Variants in SPAG9 observed in about 807,000 individuals in gnomAD.
SPAG9 encodes the protein sperm associated antigen 9.
Under a neutral mutation model 166.5 loss-of-function variants are expected in SPAG9, and 35 were observed. The ratio of observed to expected loss-of-function variants is 0.21; its 90% CI spans 0.16 to 0.28. The LOEUF is 0.28. Among genes scored for constraint, SPAG9 ranks in the 10% least tolerant of loss-of-function variants. SPAG9 has a pLI of 1.00. For missense variants in SPAG9, 1,235 were observed against 1,603.3 expected (o/e 0.77, Z 3.92); for synonymous variants, 534 against 565.5 (o/e 0.94, Z 0.79).
At chr17:50,975,170 A>G in intron 27 of SPAG9, 1 of 465,904 alleles carries the variant, frequency 2.1e-6, no homozygotes, top group East Asian at 4.0e-5. Context: ...TTGCCAGTCT[A>G]GCAATAAGTA....
At chr17:51,100,329 G>A (rs1012053607) in intron 1 of SPAG9, among the ~76,000 whole-genome samples, 1 of 133,958 alleles carries the variant, frequency 7.5e-6, no homozygotes, top group Non-Finnish European at 1.8e-5. Context: ...CTAGGGTCAG[G>A]CACAGTGGCT....
At chr17:51,092,638 G>A (rs962586107) in intron 1 of SPAG9, among the ~76,000 whole-genome samples, 23 of 151,672 alleles carry the variant, frequency 1.5e-4, no homozygotes, top group African/African-American at 5.6e-4. Flanking sequence ...GTTTGGCCAG[G>A]CACAGTGGCT....
At chr17:51,070,278 T>TA (rs960464742) in intron 2 of SPAG9, among the ~76,000 whole-genome samples, 12 of 152,304 alleles carry the variant, frequency 7.9e-5, no homozygotes, top group African/African-American at 2.6e-4. Context: ...AATCAAATAA[T>TA]AAATGATTCT....
At chr17:51,012,978 G>A (rs934649486) in intron 9 of SPAG9, among the ~76,000 whole-genome samples, 1 of 151,994 alleles carries the variant, frequency 6.6e-6, no homozygotes, top group Non-Finnish European at 1.5e-5. Context: ...CGATCCACTT[G>A]CCTTGGCCTC....
chr17:50,978,881 T>G (rs1373288118), intron 26 of SPAG9, among the ~76,000 whole-genome samples: 1 of 152,142 alleles, frequency 6.6e-6, no homozygotes, highest in Non-Finnish European at 1.5e-5. Context: ...TATCTGCACC[T>G]TGGTTACTAG....
At chr17:50,992,773 C>T (rs867292659) in intron 19 of SPAG9, among the ~76,000 whole-genome samples, 1 of 151,996 alleles carries the variant, frequency 6.6e-6, no homozygotes, top group East Asian at 1.9e-4. Context: ...GAGGACGAAG[C>T]GGGTGGATCA....
chr17:51,064,581 A>G (rs1214936343), intron 2 of SPAG9, among the ~76,000 whole-genome samples: 1 of 152,228 alleles, frequency 6.6e-6, no homozygotes, highest in Non-Finnish European at 1.5e-5. Context: ...AGGTGAAAGA[A>G]GCCAGTCACA....
At chr17:51,106,468 G>A (rs979232891) in intron 1 of SPAG9, among the ~76,000 whole-genome samples, 8 of 152,114 alleles carry the variant, frequency 5.3e-5, no homozygotes, top group African/African-American at 1.4e-4. Context: ...TTCCTTGTCT[G>A]TTTCATTAGT....
chr17:50,965,181 G>A lies in SPAG9; in HGVS notation c.*1091C>T, dbSNP rs539754009. 12 of 152,152 alleles carry A rather than the reference G, an allele frequency of 7.9e-5. No homozygotes were observed. The highest frequency in any genetic ancestry group is 2.7e-4 in the African/African-American group (11 of 41,464). 9.4% of individuals were successfully genotyped at this position (152,152 alleles called of 1,614,324 possible). A position where few individuals can be genotyped will look rare whatever the true frequency, so the allele number is the denominator to read the frequency against. ...TTCCCCTTTGAGGATAACCCTTCAA[G>A]CTCAAAAGGGCACAAAAGCTAAAAC... On this transcript the variant is annotated 3_prime_UTR_variant, in exon 30 of 30. Transcript: ENST00000262013.
chr17:50,966,107 A>C lies in SPAG9; in HGVS notation c.*165T>G. 1 of 615,786 alleles carries C rather than the reference A, an allele frequency of 1.6e-6. No homozygotes were observed. The highest frequency in any genetic ancestry group is 2.7e-5 in the Admixed American group (1 of 37,428). 38.1% of individuals were successfully genotyped at this position (615,786 alleles called of 1,614,324 possible). ...GCAGTAACACAGCTAGTTCCTCTGT[A>C]TTGTTATGGTAGAACGGATTTTGTA... is the stretch of plus-strand genomic sequence containing the variant. On this transcript the variant is annotated 3_prime_UTR_variant, in exon 30 of 30. Transcript: ENST00000262013.
intron 2 of SPAG9, among the ~76,000 whole-genome samples, chr17:51,064,743 G>A (rs2047612640): frequency 6.6e-6 from 1 of 152,128 alleles, no homozygotes; most frequent in Non-Finnish European, 1.5e-5. Context: ...TTCTTCTTGG[G>A]GTGATAAAAA....
chr17:51,069,599 A>G (rs1338649719), intron 2 of SPAG9, among the ~76,000 whole-genome samples: 1 of 152,164 alleles, frequency 6.6e-6, no homozygotes, highest in East Asian at 1.9e-4. Context: ...AAATTTAATT[A>G]ATTAAATAAA....
chr17:51,024,247 G>A (rs567800222), intron 6 of SPAG9, among the ~76,000 whole-genome samples: 4 of 151,940 alleles, frequency 2.6e-5, no homozygotes, highest in African/African-American at 7.2e-5. Flanking sequence ...GGGATAGAGC[G>A]AGACTCTCTC....
At chr17:51,037,664 T>TA (rs1379154276) in intron 5 of SPAG9, among the ~76,000 whole-genome samples, 2,017 of 62,676 alleles carry the variant, frequency 0.032, 93 homozygotes, top group African/African-American at 0.1. Context: ...ATATATGTGT[T>TA]TTATATATAT....
intron 18 of SPAG9, among the ~76,000 whole-genome samples, chr17:50,994,612 G>C (rs558823083): frequency 1.3e-5 from 2 of 152,176 alleles, no homozygotes; most frequent in African/African-American, 4.8e-5. Flanking sequence ...AGCCAGGTGT[G>C]GTGGTGTGGG....
chr17:51,086,679 T>A (rs555693038), intron 1 of SPAG9, among the ~76,000 whole-genome samples: 1 of 151,990 alleles, frequency 6.6e-6, no homozygotes, highest in East Asian at 1.9e-4. Flanking sequence ...ATGCCTATAA[T>A]CCCAGCACTT....
At chr17:51,004,738 AG>A (rs1439641606) in intron 12 of SPAG9, among the ~76,000 whole-genome samples, 1 of 152,170 alleles carries the variant, frequency 6.6e-6, no homozygotes, top group Non-Finnish European at 1.5e-5. Context: ...TCAAAAAAAA[AG>A]ACTAGGGGTA....
At chr17:50,971,423 TGGC>T (rs1407990987) in intron 28 of SPAG9, among the ~76,000 whole-genome samples, 4 of 149,826 alleles carry the variant, frequency 2.7e-5, no homozygotes, top group African/African-American at 4.9e-5. Flanking sequence ...GATATATGCA[TGGC>T]AAGGTGGGTC....
At chr17:51,082,962 C>G (rs1001808814) in intron 1 of SPAG9, among the ~76,000 whole-genome samples, 1 of 152,162 alleles carries the variant, frequency 6.6e-6, no homozygotes, top group Non-Finnish European at 1.5e-5. Flanking sequence ...CTGAGATGTC[C>G]TCTCTGGGAC....
Sources: gnomAD v4.1 joint callset for allele counts (sites outside exome capture counted in the v4.1 genomes callset) on GRCh38, gnomAD v4.1.1 for gene constraint, MANE v1.5 for transcripts, NCBI Gene and HGNC (gene_info 2026-07-23, HGNC 2026-07-21) for gene names.